FAM91A1: variants seen among roughly 807,000 people sequenced by gnomAD.
FAM91A1 encodes the protein family with sequence similarity 91 member A1, also known as protein FAM91A1.
Under a neutral mutation model 113.5 loss-of-function variants are expected in FAM91A1, and 41 were observed. The observed-to-expected ratio is 0.36, with a 90% confidence interval of 0.28 to 0.47. FAM91A1 has a LOEUF of 0.47. Ranked by LOEUF, FAM91A1 falls within the 20% of genes least tolerant of loss-of-function variation. The probability of loss-of-function intolerance (pLI) is 1.00; values close to 1 mark genes in which losing one functional copy is unlikely to be tolerated. For missense variants in FAM91A1, 696 were observed against 1,001.2 expected, an observed-to-expected ratio of 0.70 and a Z score of 4.11; for synonymous variants, 307 against 347.9, an observed-to-expected ratio of 0.88 and a Z score of 1.31.
intron 15 of FAM91A1, among the ~76,000 whole-genome samples, chr8:123,795,385 C>G (rs1022886656): frequency 1.3e-5 from 2 of 150,968 alleles, no homozygotes; most frequent in African/African-American, 2.4e-5. Flanking sequence ...CCACCCCCCG[C>G]CCCCCTGCCC....
At chr8:123,794,107 C>T (rs577272878) in intron 15 of FAM91A1, among the ~76,000 whole-genome samples, 1 of 152,268 alleles carries the variant, frequency 6.6e-6, no homozygotes, top group Non-Finnish European at 1.5e-5. Context: ...ATAGCTTCTC[C>T]TGACACTTTG....
In FAM91A1 at chr8:123,785,070, T is replaced by C; in HGVS notation, c.811-11T>C. 6.3e-7 allele frequency: 1 copy of C among 1,576,108 alleles called. No homozygotes were observed. The highest frequency in any genetic ancestry group is 1.4e-5 in the African/African-American group (1 of 73,358). ...AAGAATGTAAAAATAAATTTTAATT[T>C]TATCTTCTAGCTTGCAAATGTCCTT... On this transcript the variant is annotated splice_polypyrimidine_tract_variant and intron_variant, in intron 9 of 23. Transcript: ENST00000334705.
intron 15 of FAM91A1, among the ~76,000 whole-genome samples, chr8:123,792,182 A>G (rs1184671286): frequency 6.6e-6 from 1 of 152,170 alleles, no homozygotes; most frequent in African/African-American, 2.4e-5. Flanking sequence ...CTCAGAAGAA[A>G]AAAAAGAAAT....
intron 1 of FAM91A1, 88 bp from the exon 2 acceptor site, chr8:123,773,992 G>T (rs1814919520): frequency 2.2e-6 from 2 of 920,536 alleles, no homozygotes; most frequent in African/African-American, 1.7e-5. Context: ...TAAAAATGGG[G>T]GTCGTGGTTT....
chr8:123,798,364 C>A, intron 16 of FAM91A1, 126 bp downstream of exon 16: 2 of 1,069,840 alleles, frequency 1.9e-6, no homozygotes, highest in Admixed American at 3.1e-5. Context: ...GTATTTTATG[C>A]CTTTGTAAGA....
chr8:123,801,758 G>A (rs1368561207), intron 18 of FAM91A1, among the ~76,000 whole-genome samples: 1 of 152,128 alleles, frequency 6.6e-6, no homozygotes, highest in African/African-American at 2.4e-5. Context: ...CTTAAAAGAA[G>A]CGAGGTAGTA....
At position 123,787,624 on chromosome 8, in the gene FAM91A1, G is replaced by C. The variant is rs553699593; in HGVS notation, c.1192-40G>C. The C allele has an allele frequency of 3.4e-6, 5 of 1,489,496 alleles. No homozygotes were observed. In the Admixed American group the frequency reaches 5.4e-5, roughly 16 times the overall value. The allele number at this position is 1,489,496 out of a possible 1,614,324, so 92.3% of individuals were successfully genotyped here. On this transcript the variant is annotated intron_variant, in intron 13 of 23. Transcript: ENST00000334705. The stretch of plus-strand genomic sequence containing the variant: ...TTTGATAGTATGCTTAGCATAAAAA[G>C]GGAGAAGTAGAACTTTAATATTTTG...
intron 9 of FAM91A1, 35 bp downstream of exon 9, chr8:123,784,611 CA>C (rs984294351): frequency 3.4e-6 from 5 of 1,468,702 alleles, no homozygotes; most frequent in Non-Finnish European, 4.7e-6. Context: ...AATATAATCT[CA>C]AGATTGTAAG....
chr8:123,774,793 CTT>C (rs1302395489), intron 2 of FAM91A1, among the ~76,000 whole-genome samples: 2 of 152,206 alleles, frequency 1.3e-5, no homozygotes, highest in South Asian at 2.1e-4. Flanking sequence ...TAAAAATAGA[CTT>C]GACTTCATTG....
chr8:123,776,990 A>G (rs1300167824), intron 3 of FAM91A1, among the ~76,000 whole-genome samples: 1 of 152,192 alleles, frequency 6.6e-6, no homozygotes, highest in African/African-American at 2.4e-5. Flanking sequence ...CATTACTTAC[A>G]TAGCTTCCAC....
At chr8:123,805,086 G>A (rs1024470569) in intron 18 of FAM91A1, among the ~76,000 whole-genome samples, 181 bp from the exon 19 acceptor site, 1 of 152,144 alleles carries the variant, frequency 6.6e-6, no homozygotes, top group African/African-American at 2.4e-5. Flanking sequence ...TTGCCTTATA[G>A]ATTATTATAC....
chr8:123,792,763 G>A (rs1159129259), intron 15 of FAM91A1, among the ~76,000 whole-genome samples: 4 of 152,082 alleles, frequency 2.6e-5, no homozygotes, highest in African/African-American at 4.8e-5. Flanking sequence ...TCACTCTTTT[G>A]TGTTTTGGGA....
chr8:123,809,500 T>C (rs1815898262), intron 22 of FAM91A1, among the ~76,000 whole-genome samples: 2 of 152,208 alleles, frequency 1.3e-5, no homozygotes, highest in South Asian at 4.1e-4. Flanking sequence ...AAAGATGACA[T>C]GTAGGTTTTA....
chr8:123,803,495 G>A lies in FAM91A1; in HGVS notation c.1810-1772G>A, dbSNP rs551897134. On this transcript the variant is annotated intron_variant, in intron 18 of 23. Coordinates refer to ENST00000334705, the MANE Select transcript of FAM91A1 (RefSeq NM_144963.4). ...CTGGCTAATTTTTTATAGAGACAGG[G>A]TTTCACCATGTTGCCCAGGCTGGTC... Among the ~76,000 whole-genome samples, 197 of 152,052 alleles carry A rather than the reference G, an allele frequency of 1.3e-3. 1 individual carries two copies. Among genetic ancestry groups the A allele is most frequent in the African/African-American group, 4.0e-3 (168 of 41,502 alleles).
At chr8:123,788,024 G>A (rs1815299992) in intron 14 of FAM91A1, among the ~76,000 whole-genome samples, 1 of 152,110 alleles carries the variant, frequency 6.6e-6, no homozygotes, top group South Asian at 2.1e-4. Flanking sequence ...AGAAATTTTA[G>A]TCTGTAATGT....
At chr8:123,777,852 A>G (rs1029658073) in intron 4 of FAM91A1, among the ~76,000 whole-genome samples, 173 bp from the exon 5 acceptor site, 1 of 152,146 alleles carries the variant, frequency 6.6e-6, no homozygotes, top group African/African-American at 2.4e-5. Flanking sequence ...ATCTCTCCCA[A>G]AGTTTAGCTT....
intron 15 of FAM91A1, among the ~76,000 whole-genome samples, chr8:123,793,765 C>T (rs1027659615): frequency 2.0e-5 from 3 of 152,176 alleles, no homozygotes; most frequent in Admixed American, 6.5e-5. Flanking sequence ...TAGTTGTGCT[C>T]ATTGCTTCTA....
chr8:123,768,842 G>A, intron 1 of FAM91A1, 68 bp downstream of exon 1: 1 of 1,503,722 alleles, frequency 6.7e-7, no homozygotes, highest in Non-Finnish European at 9.1e-7. Context: ...TGCTTGCCTC[G>A]CTCGCGGGGC....
chr8:123,780,546 A>G lies in FAM91A1; in HGVS notation c.703+4A>G. The G allele has an allele frequency of 6.2e-7, 1 of 1,609,422 alleles. No individual in the cohort carries two copies. The highest frequency in any genetic ancestry group is 8.5e-7 in the Non-Finnish European group (1 of 1,177,906). On this transcript the variant is annotated splice_donor_region_variant and intron_variant, in intron 8 of 23. Coordinates refer to ENST00000334705, the MANE Select transcript of FAM91A1 (RefSeq NM_144963.4). ...TCTGATGACAGTTGTATAGCAGGTA[A>G]GTCCGTGCTAACATTTTTCACTGTT... is the stretch of plus-strand genomic sequence containing the variant.
Sources: allele counts gnomAD v4.1 joint callset (sites outside exome capture counted in the v4.1 genomes callset), GRCh38; gene constraint gnomAD v4.1.1; transcripts MANE v1.5; gene names NCBI Gene and HGNC (gene_info 2026-07-23, HGNC 2026-07-21).